UBR2: variants seen among roughly 807,000 people sequenced by gnomAD.
UBR2 encodes the protein ubiquitin protein ligase E3 component n-recognin 2, also known as E3 ubiquitin-protein ligase UBR2.
UBR2 carries 92 observed loss-of-function variants against 247.9 expected under a neutral mutation model. The observed-to-expected ratio is 0.37, with a 90% CI of 0.31 to 0.44. UBR2 has a LOEUF of 0.44. Ranked by LOEUF, UBR2 falls within the 20% of genes least tolerant of loss-of-function variation. The pLI, the probability that UBR2 is intolerant of heterozygous loss-of-function variation, is 1.00. For synonymous variants in UBR2, 672 were observed against 693.5 expected, an observed-to-expected ratio of 0.97 and a Z score of 0.49; for missense variants, 1,613 against 2,112.6, an observed-to-expected ratio of 0.76 and a Z score of 4.64.
At chr6:42,676,029 G>A in intron 38 of UBR2, 27 bp from the exon 39 acceptor site, 1 of 1,591,604 alleles carries the variant, frequency 6.3e-7, no homozygotes, top group Non-Finnish European at 8.5e-7. Flanking sequence ...AAGGCGATCT[G>A]TCTGATGTCC....
rs1795830777 is a variant in UBR2, at chr6:42,632,835, G to C, written c.1476G>C (p.Trp492Cys). 3 of 1,606,186 alleles carry C rather than the reference G, an allele frequency of 1.9e-6. No individual in the cohort carries two copies. The highest frequency in any genetic ancestry group is 2.7e-5 in the African/African-American group (2 of 74,282). ...TGTTAATTAGCAAACCAACTGAATG[G>C]TCAGATGAGCTGAGGCAGAAGTTCC... ...KYVLISKPTE[W>C]SDELRQKFLE... is the part of the protein sequence containing the mutation. Residue 492 changes from tryptophan to cysteine, a missense_variant, in exon 13 of 47, where the codon TGG becomes TGC. By Grantham distance (215) the Trp-to-Cys change is radical. Transcript: ENST00000372901.
chr6:42,614,429 T>C (rs1006191060), intron 8 of UBR2, among the ~76,000 whole-genome samples: 6 of 147,620 alleles, frequency 4.1e-5, no homozygotes, highest in African/African-American at 1.3e-4. Context: ...CGTACATATA[T>C]ATGTATGTAC....
At chr6:42,612,998 G>A (rs960738678) in intron 8 of UBR2, among the ~76,000 whole-genome samples, 3 of 152,138 alleles carry the variant, frequency 2.0e-5, no homozygotes, top group Non-Finnish European at 4.4e-5. Flanking sequence ...CTACTCAGGA[G>A]GCTGAGGCAG....
chr6:42,596,161 G>A (rs1792962248), intron 4 of UBR2, among the ~76,000 whole-genome samples: 1 of 148,694 alleles, frequency 6.7e-6, no homozygotes, highest in African/African-American at 2.5e-5. Flanking sequence ...AACTCAGCAA[G>A]TAAAAAGATA....
At chr6:42,565,110 A>G (rs1790700926) in intron 1 of UBR2, among the ~76,000 whole-genome samples, 1 of 152,262 alleles carries the variant, frequency 6.6e-6, no homozygotes, top group South Asian at 2.1e-4. Flanking sequence ...CTTTCAACAA[A>G]TACTGTATAA....
At chr6:42,640,814 C>CCCA (rs1423901457) in intron 16 of UBR2, among the ~76,000 whole-genome samples, 1 of 152,052 alleles carries the variant, frequency 6.6e-6, no homozygotes, top group African/African-American at 2.4e-5. Flanking sequence ...ACTGCAACCT[C>CCCA]TACCTCCATG....
At chr6:42,601,652 C>T (rs1793366744) in intron 4 of UBR2, among the ~76,000 whole-genome samples, 1 of 144,390 alleles carries the variant, frequency 6.9e-6, no homozygotes, top group South Asian at 2.2e-4. Flanking sequence ...TGTGCCATTG[C>T]ACTCCAGCCT....
At chr6:42,654,492 A>G (rs996536458) in intron 25 of UBR2, among the ~76,000 whole-genome samples, 3 of 152,228 alleles carry the variant, frequency 2.0e-5, no homozygotes, top group Non-Finnish European at 2.9e-5. Flanking sequence ...TGGGAGGCCA[A>G]GGCGGGTAGA....
Position 42,662,223 on chromosome 6 carries a change from G to A in UBR2, c.3482G>A (p.Cys1161Tyr). The change falls in exon 31 of 47, where the codon TGT becomes TAT. Residue 1161 changes from cysteine to tyrosine, a missense_variant. Cys to Tyr is a radical substitution (Grantham distance 194, BLOSUM62 -2). Around this residue, in one of 3 missense-constraint regions of UBR2, gnomAD observed 1,524 missense variants for 1,967.3 expected, o/e 0.77. Coordinates refer to ENST00000372901, the MANE Select transcript of UBR2 (RefSeq NM_001363705.2). The stretch of plus-strand genomic sequence containing the variant: ...TTATTCATGCACCCTGATCTGTCTT[G>A]TGGAACACACACTAGTAGCTGTGGG... ...DPLFMHPDLS[C>Y]GTHTSSCGHI... is the part of the protein sequence containing the mutation. The A allele has an allele frequency of 1.9e-6, 3 of 1,612,090 alleles. No individual in the cohort carries two copies. Among genetic ancestry groups the A allele is most frequent in the Non-Finnish European group, 2.5e-6 (3 of 1,179,124 alleles).
At chr6:42,564,532 G>A (rs2151894761) in intron 1 of UBR2, 135 bp downstream of exon 1, 1 of 1,024,554 alleles carries the variant, frequency 9.8e-7, no homozygotes, top group Non-Finnish European at 1.4e-6. Context: ...GCCTTGTGGG[G>A]TAATAGCCCG....
intron 14 of UBR2, among the ~76,000 whole-genome samples, chr6:42,636,695 C>T (rs1035562491): frequency 6.6e-6 from 1 of 152,018 alleles, no homozygotes. Flanking sequence ...CTTGGAGTTA[C>T]TAGAGATAGA....
intron 35 of UBR2, 33 bp downstream of exon 35, chr6:42,670,273 A>G: frequency 6.2e-7 from 1 of 1,601,606 alleles, no homozygotes; most frequent in Non-Finnish European, 8.5e-7. Context: ...TCTATAAGTC[A>G]CAAGCATTCA....
chr6:42,587,076 T>C (rs2151913673), intron 2 of UBR2, among the ~76,000 whole-genome samples: 1 of 152,158 alleles, frequency 6.6e-6, no homozygotes, highest in East Asian at 1.9e-4. Flanking sequence ...TGCCTGAGCC[T>C]CCCAAAGTGC....
chr6:42,632,835 G>T lies in UBR2; in HGVS notation c.1476G>T (p.Trp492Cys), dbSNP rs1795830777. 1.2e-6 allele frequency: 2 copies of T among 1,606,186 alleles called. No individual in the cohort carries two copies. Among genetic ancestry groups the T allele is most frequent in the East Asian group, 4.5e-5 (2 of 44,770 alleles). ...TGTTAATTAGCAAACCAACTGAATG[G>T]TCAGATGAGCTGAGGCAGAAGTTCC... ...KYVLISKPTE[W>C]SDELRQKFLE... The change falls in exon 13 of 47, where the codon TGG becomes TGT. Residue 492 changes from tryptophan to cysteine, a missense_variant. By Grantham distance (215) the Trp-to-Cys change is radical (BLOSUM62 -2). Around this residue, in one of 3 missense-constraint regions of UBR2, gnomAD observed 1,524 missense variants for 1,967.3 expected, o/e 0.77. Coordinates refer to ENST00000372901, the MANE Select transcript of UBR2 (RefSeq NM_001363705.2).
At chr6:42,648,307 C>G (rs1796903772) in intron 22 of UBR2, 137 bp downstream of exon 22, 1 of 722,656 alleles carries the variant, frequency 1.4e-6, no homozygotes, top group East Asian at 2.6e-5. Context: ...AATTATAGCT[C>G]TGAATTAGAT....
At chr6:42,672,671 G>A (rs1304464115) in intron 36 of UBR2, among the ~76,000 whole-genome samples, 1 of 151,944 alleles carries the variant, frequency 6.6e-6, no homozygotes, top group Non-Finnish European at 1.5e-5. Flanking sequence ...CATTTCCTCT[G>A]CCTAGAGTAC....
At chr6:42,664,512 T>C (rs1236962365) in intron 32 of UBR2, among the ~76,000 whole-genome samples, 1 of 152,228 alleles carries the variant, frequency 6.6e-6, no homozygotes, top group African/African-American at 2.4e-5. Context: ...TTCTGTGTTA[T>C]TTGGATTCAG....
intron 8 of UBR2, among the ~76,000 whole-genome samples, chr6:42,613,104 A>C (rs534714560): frequency 4.6e-5 from 7 of 152,332 alleles, no homozygotes; most frequent in Non-Finnish European, 8.8e-5. Flanking sequence ...CTGTTTCAAA[A>C]AAAAAAAAAT....
chr6:42,626,760 T>G (rs1317605663), intron 11 of UBR2, among the ~76,000 whole-genome samples: 1 of 152,218 alleles, frequency 6.6e-6, no homozygotes, highest in Non-Finnish European at 1.5e-5. Context: ...CTAATCTTGC[T>G]TCCTTATATA....
Sources: gnomAD v4.1 joint callset for allele counts (sites outside exome capture counted in the v4.1 genomes callset) on GRCh38, gnomAD v4.1.1 for gene constraint, gnomAD v4.1.1 regional missense constraint, MANE v1.5 for transcripts, NCBI Gene and HGNC (gene_info 2026-07-23, HGNC 2026-07-21) for gene names.